ARMC9: variants seen among roughly 807,000 people sequenced by gnomAD.
The protein encoded by ARMC9 is armadillo repeat containing 9, also known as lisH domain-containing protein ARMC9.
ARMC9 carries 94 observed loss-of-function variants against 107.0 expected under a neutral mutation model. That is an observed-to-expected ratio of 0.88 (90% CI 0.74 to 1.04). ARMC9 has a LOEUF of 1.04. Among genes scored for constraint, ARMC9 ranks in the 50% least tolerant of loss-of-function variants. The pLI, the probability that ARMC9 is intolerant of heterozygous loss-of-function variation, is 0.00. For synonymous variants in ARMC9, 380 were observed against 396.9 expected (o/e 0.96, Z 0.51); for missense variants, 942 against 1,030.1 (o/e 0.91, Z 1.17).
chr2:231,202,961 C>T (rs992672536), intron 1 of ARMC9, among the ~76,000 whole-genome samples: 52 of 152,292 alleles, frequency 3.4e-4, no homozygotes, highest in African/African-American at 1.1e-3. Context: ...ACAACTCTCC[C>T]TCCCAGATAA....
At chr2:231,263,131 AGT>A (rs747339128) in intron 12 of ARMC9, among the ~76,000 whole-genome samples, 10 of 152,270 alleles carry the variant, frequency 6.6e-5, no homozygotes, top group Non-Finnish European at 1.5e-4. Flanking sequence ...ACGTGTTAAG[AGT>A]GTACTACATT....
At chr2:231,221,335 C>CA (rs2034103979) in intron 5 of ARMC9, among the ~76,000 whole-genome samples, 1 of 152,164 alleles carries the variant, frequency 6.6e-6, no homozygotes, top group African/African-American at 2.4e-5. Context: ...ATTAAGGACA[C>CA]ACCCTACTCC....
chr2:231,354,263 T>TAAAAA lies in ARMC9; in HGVS notation c.1995-1516_1995-1512dup, dbSNP rs759691541. Reference sequence around the variant, plus strand: ...AGTCAACACAGACCTCATCTCCATTTAAAAAAAAAAAAAAAAAAAAAAAGA... The same window carrying TAAAAA: ...AGTCAACACAGACCTCATCTCCATTTAAAAAAAAAAAAAAAAAAAAAAAAAAAAGA... On this transcript the variant is annotated intron_variant, in intron 21 of 24. Coordinates refer to ENST00000611582, the MANE Select transcript of ARMC9 (RefSeq NM_001352754.2). Among the ~76,000 whole-genome samples the TAAAAA allele has an allele frequency of 3.7e-3, 374 of 100,408 alleles. 12 individuals carry two copies. Among genetic ancestry groups the TAAAAA allele is most frequent in the African/African-American group, 0.016 (347 of 21,366 alleles). The allele number at this position is 100,408 out of a possible 152,430, so 65.9% of individuals were successfully genotyped here.
chr2:231,273,902 C>T (rs1392843301), intron 14 of ARMC9, among the ~76,000 whole-genome samples: 2 of 152,186 alleles, frequency 1.3e-5, no homozygotes, highest in South Asian at 2.1e-4. Flanking sequence ...ACAGTCACTC[C>T]TCATTCCTAC....
intron 2 of ARMC9, 145 bp downstream of exon 2, chr2:231,206,434 AT>A: frequency 1.4e-6 from 1 of 706,982 alleles, no homozygotes; most frequent in South Asian, 2.5e-5. Context: ...TATTCCATGT[AT>A]TTACATTTTG....
rs147777576 is a variant in ARMC9, at chr2:231,235,326, T to A, written c.725T>A (p.Ile242Asn). The change falls in exon 8 of 25, where the codon ATT becomes AAT. Residue 242 changes from isoleucine (I) to asparagine (N), a missense_variant. Coordinates refer to ENST00000611582, the MANE Select transcript of ARMC9 (RefSeq NM_001352754.2). ...ATCCAGGCCGACTACCACAATCTCA[T>A]TGGAGTCACAGCAGAGCTGGTGGAT... ...NKIQADYHNL[I>N]GVTAELVDSL... 4.3e-6 allele frequency: 7 copies of A among 1,614,100 alleles called. No individual in the cohort carries two copies. In the African/African-American group the frequency reaches 5.3e-5, roughly 12 times the overall value.
At chr2:231,346,039 T>G (rs1177935290) in intron 21 of ARMC9, among the ~76,000 whole-genome samples, 1 of 152,212 alleles carries the variant, frequency 6.6e-6, no homozygotes, top group African/African-American at 2.4e-5. Flanking sequence ...ATTTGTCCTA[T>G]AAATGTTTCA....
chr2:231,237,806 TTTTTTTTTTG>T, intron 8 of ARMC9, among the ~76,000 whole-genome samples: 1 of 127,278 alleles, frequency 7.9e-6, no homozygotes. Flanking sequence ...TTTTTTTTTT[TTTTTTTTTTG>T]GTCAGTCATC....
chr2:231,335,885 G>C (rs2044055723), intron 20 of ARMC9, among the ~76,000 whole-genome samples: 1 of 152,102 alleles, frequency 6.6e-6, no homozygotes, highest in Non-Finnish European at 1.5e-5. Context: ...GGACCAGCCT[G>C]GGCAATGTAG....
chr2:231,324,521 G>A (rs1327269707), intron 19 of ARMC9, among the ~76,000 whole-genome samples: 2 of 150,394 alleles, frequency 1.3e-5, no homozygotes, highest in African/African-American at 4.9e-5. Flanking sequence ...GGAGGCCAAG[G>A]TGGGCAGATC....
chr2:231,355,182 T>TA (rs1409580321), intron 21 of ARMC9, among the ~76,000 whole-genome samples: 1 of 151,872 alleles, frequency 6.6e-6, no homozygotes, highest in African/African-American at 2.4e-5. Flanking sequence ...CTACAAAAAA[T>TA]AAAAAAATCA....
intron 19 of ARMC9, among the ~76,000 whole-genome samples, chr2:231,301,885 G>A (rs1474359394): frequency 6.6e-6 from 1 of 151,786 alleles, no homozygotes; most frequent in Non-Finnish European, 1.5e-5. Context: ...AGTCTGAGGC[G>A]CAAGAATCAT....
intron 12 of ARMC9, among the ~76,000 whole-genome samples, chr2:231,269,585 A>G (rs796251823): frequency 5.3e-4 from 80 of 151,668 alleles, no homozygotes; most frequent in African/African-American, 1.8e-3. Context: ...GGGTTTCACC[A>G]TGTTGGCCAG....
At chr2:231,355,980 T>TCTAGAAC (rs1241618044) in intron 22 of ARMC9, 46 bp downstream of exon 22, 1 of 1,503,984 alleles carries the variant, frequency 6.6e-7, no homozygotes, top group Admixed American at 2.1e-5. Flanking sequence ...GATTGTGATG[T>TCTAGAAC]CTAGAACCTA....
intron 19 of ARMC9, among the ~76,000 whole-genome samples, chr2:231,310,395 G>A (rs1165699093): frequency 2.0e-5 from 3 of 147,564 alleles, no homozygotes; most frequent in African/African-American, 7.6e-5. Context: ...TCCAGCCTGG[G>A]CAACAAGAGT....
chr2:231,200,579 C>G (rs541718415), intron 1 of ARMC9, among the ~76,000 whole-genome samples: 3 of 152,146 alleles, frequency 2.0e-5, no homozygotes, highest in Non-Finnish European at 4.4e-5. Flanking sequence ...GAGGCTGAGG[C>G]AGGAGAATCA....
At chr2:231,323,587 G>A (rs775573659) in intron 19 of ARMC9, among the ~76,000 whole-genome samples, 34 of 152,062 alleles carry the variant, frequency 2.2e-4, no homozygotes, top group Non-Finnish European at 3.8e-4. Context: ...TTCCCTTTTC[G>A]CCGGTTTCAG....
intron 9 of ARMC9, among the ~76,000 whole-genome samples, chr2:231,248,808 A>C (rs61495574): frequency 0.071 from 6,687 of 94,678 alleles, 46 homozygotes; most frequent in African/African-American, 0.1. Context: ...TTCTGTCTCA[A>C]AAAAAAAAAA....
At chr2:231,269,428 C>G (rs1280166615) in intron 12 of ARMC9, among the ~76,000 whole-genome samples, 1 of 117,622 alleles carries the variant, frequency 8.5e-6, no homozygotes, top group Non-Finnish European at 1.6e-5. Flanking sequence ...TTGAGACAGT[C>G]TCACTCTGCT....
Sources: allele counts gnomAD v4.1 joint callset (sites outside exome capture counted in the v4.1 genomes callset), GRCh38; gene constraint gnomAD v4.1.1; transcripts MANE v1.5; gene names NCBI Gene and HGNC (gene_info 2026-07-23, HGNC 2026-07-21).